Variants in ARHGAP28 observed in about 807,000 individuals in gnomAD.
The protein encoded by ARHGAP28 is Rho GTPase activating protein 28.
Under a neutral mutation model 90.7 loss-of-function variants are expected in ARHGAP28, and 56 were observed. The ratio of observed to expected loss-of-function variants is 0.62; its 90% CI spans 0.50 to 0.77. ARHGAP28 has a LOEUF of 0.77. Ranked by LOEUF, ARHGAP28 falls within the 30% of genes least tolerant of loss-of-function variation. ARHGAP28 has a pLI of 0.00. For missense variants in ARHGAP28, 869 were observed against 900.9 expected (o/e 0.96, Z 0.45); for synonymous variants, 308 against 323.3 (o/e 0.95, Z 0.51).
chr18:6,740,895 C>T (rs1439606352), intron 1 of ARHGAP28, among the ~76,000 whole-genome samples: 3 of 152,200 alleles, frequency 2.0e-5, no homozygotes, highest in African/African-American at 7.2e-5. Flanking sequence ...TGATCACCTG[C>T]TTCCCATTAC....
At chr18:6,910,744 G>T (rs2057392006) in intron 17 of ARHGAP28, among the ~76,000 whole-genome samples, 1 of 152,062 alleles carries the variant, frequency 6.6e-6, no homozygotes, top group Non-Finnish European at 1.5e-5. Context: ...CCAGCCCCTA[G>T]AATAGTGCCT....
chr18:6,895,441 G>A (rs779038233), intron 15 of ARHGAP28, among the ~76,000 whole-genome samples: 2 of 152,216 alleles, frequency 1.3e-5, no homozygotes, highest in Non-Finnish European at 2.9e-5. Context: ...TAAAACAATA[G>A]ACATTTATGA....
At chr18:6,804,976 T>C (rs972872960) in intron 1 of ARHGAP28, among the ~76,000 whole-genome samples, 2 of 152,188 alleles carry the variant, frequency 1.3e-5, no homozygotes, top group Non-Finnish European at 2.9e-5. Context: ...AAGAGGGTTT[T>C]TTAGAAAAAG....
chr18:6,861,012 A>T lies in ARHGAP28; in HGVS notation c.726+1115A>T, dbSNP rs535303730. 1.1e-4 allele frequency among the ~76,000 whole-genome samples: 17 copies of T among 152,296 alleles called. 2 individuals carry two copies. Among genetic ancestry groups the T allele is most frequent in the South Asian group, 1.0e-3 (5 of 4,820 alleles). ...TGTCTCTGCTTTAGACGTCATCTCA[A>T]ATTCATCTCACTTATTAATGAAAAC... On this transcript the variant is annotated intron_variant, in intron 5 of 17. Coordinates refer to ENST00000383472, the MANE Select transcript of ARHGAP28 (RefSeq NM_001366230.1).
chr18:6,857,443 G>A lies in ARHGAP28; in HGVS notation c.637-2365G>A, dbSNP rs143199704. Reference sequence around the variant, plus strand: ...TGTAAACATCGCGTGTGGAGAACGCGTTAGCTTTTGGAATGTGTGGCAATC... The same window carrying A: ...TGTAAACATCGCGTGTGGAGAACGCATTAGCTTTTGGAATGTGTGGCAATC... On this transcript the variant is annotated intron_variant, in intron 4 of 17. Transcript: ENST00000383472. 5.0e-4 allele frequency among the ~76,000 whole-genome samples: 76 copies of A among 152,340 alleles called. 1 individual carries two copies. Among genetic ancestry groups the A allele is most frequent in the African/African-American group, 1.7e-3 (71 of 41,576 alleles).
chr18:6,739,482 C>G (rs1273785648), intron 1 of ARHGAP28, among the ~76,000 whole-genome samples: 2 of 149,806 alleles, frequency 1.3e-5, no homozygotes, highest in Non-Finnish European at 3.0e-5. Flanking sequence ...ATATTCTTAC[C>G]CTTCACATAG....
At chr18:6,905,789 T>G (rs556030106) in intron 16 of ARHGAP28, among the ~76,000 whole-genome samples, 1 of 152,202 alleles carries the variant, frequency 6.6e-6, no homozygotes, top group South Asian at 2.1e-4. Context: ...CACAATACCC[T>G]TTACAGTCAC....
At chr18:6,829,308 A>T (rs1467757086) in intron 2 of ARHGAP28, among the ~76,000 whole-genome samples, 1 of 152,212 alleles carries the variant, frequency 6.6e-6, no homozygotes. Context: ...ATTTCAGTCC[A>T]GCTCCACAGG....
intron 16 of ARHGAP28, 111 bp downstream of exon 16, chr18:6,896,737 C>T: frequency 7.9e-7 from 1 of 1,263,328 alleles, no homozygotes; most frequent in Non-Finnish European, 1.1e-6. Flanking sequence ...GAACCTGTTG[C>T]TTTAGGGAGT....
chr18:6,782,688 G>A (rs2056335075), intron 1 of ARHGAP28, among the ~76,000 whole-genome samples: 1 of 131,678 alleles, frequency 7.6e-6, no homozygotes, highest in South Asian at 2.4e-4. Context: ...GACCTCAGGT[G>A]ATCCACCCAC....
chr18:6,740,554 G>C (rs1171963019), intron 1 of ARHGAP28, among the ~76,000 whole-genome samples: 2 of 152,076 alleles, frequency 1.3e-5, no homozygotes, highest in African/African-American at 4.8e-5. Context: ...CTCAGGCTCT[G>C]GGCCCTTGTG....
intron 1 of ARHGAP28, among the ~76,000 whole-genome samples, chr18:6,750,728 G>T (rs947852208): frequency 3.9e-5 from 6 of 152,112 alleles, no homozygotes; most frequent in Non-Finnish European, 8.8e-5. Context: ...CCATCGTGGA[G>T]GCCCACCCTG....
intron 17 of ARHGAP28, among the ~76,000 whole-genome samples, chr18:6,909,300 C>CTTTTCTTTTCT: frequency 8.2e-6 from 1 of 122,040 alleles, no homozygotes; most frequent in South Asian, 2.6e-4. Context: ...CTTTTCTTTT[C>CTTTTCTTTTCT]TTTTTTTTTT....
At chr18:6,856,130 C>T (rs544046072) in intron 4 of ARHGAP28, among the ~76,000 whole-genome samples, 4 of 152,322 alleles carry the variant, frequency 2.6e-5, no homozygotes, top group Admixed American at 6.5e-5. Flanking sequence ...GCTAGAAAAG[C>T]GACACCCTAA....
At chr18:6,774,253 C>T (rs2056265982) in intron 1 of ARHGAP28, 1 of 152,164 alleles carries the variant, frequency 6.6e-6, no homozygotes, top group Non-Finnish European at 1.5e-5. Context: ...CTAAGCACTT[C>T]TTAATAACTT....
chr18:6,801,089 A>G (rs913109752), intron 1 of ARHGAP28, among the ~76,000 whole-genome samples: 1 of 151,812 alleles, frequency 6.6e-6, no homozygotes, highest in African/African-American at 2.4e-5. Flanking sequence ...AAAGATTTTT[A>G]TTTTCTTTTG....
intron 1 of ARHGAP28, among the ~76,000 whole-genome samples, chr18:6,818,920 T>A (rs992804381): frequency 6.6e-6 from 1 of 152,222 alleles, no homozygotes; most frequent in Non-Finnish European, 1.5e-5. Context: ...CATTTACTTA[T>A]AACTGCAAGG....
intron 3 of ARHGAP28, among the ~76,000 whole-genome samples, chr18:6,843,797 G>T (rs72876543): frequency 6.6e-6 from 1 of 152,090 alleles, no homozygotes; most frequent in Non-Finnish European, 1.5e-5. Flanking sequence ...GGACAGGCAA[G>T]GTGAAGAATG....
intron 2 of ARHGAP28, 42 bp from the exon 3 acceptor site, chr18:6,837,155 C>G (rs1261590714): frequency 1.4e-6 from 2 of 1,435,196 alleles, no homozygotes; most frequent in Non-Finnish European, 1.9e-6. Flanking sequence ...TCCAATCATA[C>G]AGAAAATATT....
Sources: gnomAD v4.1 joint callset for allele counts (sites outside exome capture counted in the v4.1 genomes callset) on GRCh38, gnomAD v4.1.1 for gene constraint, MANE v1.5 for transcripts, NCBI Gene and HGNC (gene_info 2026-07-23, HGNC 2026-07-21) for gene names.